The following RMND5A variants were observed in gnomAD, a reference collection of about 807,000 sequenced individuals.
RMND5A encodes E3 ubiquitin-protein transferase RMND5A.
In RMND5A, 17 loss-of-function variants were observed where a neutral mutation model predicts 49.7. That is an observed-to-expected ratio of 0.34 (90% CI 0.23 to 0.51). The LOEUF is 0.51. Ranked by LOEUF, RMND5A falls within the 20% of genes least tolerant of loss-of-function variation. The pLI, the probability that RMND5A is intolerant of heterozygous loss-of-function variation, is 0.96. For missense variants in RMND5A, 255 were observed against 471.3 expected (o/e 0.54, Z 4.25); for synonymous variants, 156 against 167.7 (o/e 0.93, Z 0.54).
At chr2:86,746,642 C>G (rs547976340) in intron 2 of RMND5A, among the ~76,000 whole-genome samples, 1 of 152,344 alleles carries the variant, frequency 6.6e-6, no homozygotes, top group African/African-American at 2.4e-5. Context: ...GAATTCATCT[C>G]TAGTGCCCTG....
chr2:86,768,826 G>A (rs2104410984), intron 6 of RMND5A, among the ~76,000 whole-genome samples: 1 of 152,166 alleles, frequency 6.6e-6, no homozygotes, highest in South Asian at 2.1e-4. Flanking sequence ...GAGGAACTAT[G>A]CAAAAAAAAT....
At position 86,720,749 on chromosome 2, in the gene RMND5A, G is replaced by A. The variant is rs1205048880; in HGVS notation, c.82G>A (p.Gly28Ser). 2 of 1,593,574 alleles carry A rather than the reference G, an allele frequency of 1.3e-6. No homozygotes were observed. Among genetic ancestry groups the A allele is most frequent in the Non-Finnish European group, 1.7e-6 (2 of 1,170,924 alleles). ...FSGYGQLCER[G>S]LEELIDYTGG... ...AGGCTACGGGCAGCTGTGCGAGCGC[G>A]GCCTGGAGGAGCTCATCGACTACAC... is the stretch of plus-strand genomic sequence containing the variant. Residue 28 changes from glycine (G) to serine (S), a missense_variant, in exon 1 of 9, where the codon GGC becomes AGC. Gly to Ser is a moderately conservative substitution (Grantham distance 56, BLOSUM62 0). Around this residue, in one of 3 missense-constraint regions of RMND5A, gnomAD observed 42 missense variants for 59.9 expected, o/e 0.70. Coordinates refer to ENST00000283632, the MANE Select transcript of RMND5A (RefSeq NM_022780.4).
At chr2:86,746,605 A>C (rs982925924) in intron 2 of RMND5A, among the ~76,000 whole-genome samples, 1 of 152,206 alleles carries the variant, frequency 6.6e-6, no homozygotes, top group Non-Finnish European at 1.5e-5. Context: ...ACTTGGAGGA[A>C]CCTTTCTCAA....
chr2:86,743,302 G>T (rs568530751), intron 2 of RMND5A, among the ~76,000 whole-genome samples: 1 of 151,900 alleles, frequency 6.6e-6, no homozygotes, highest in South Asian at 2.1e-4. Context: ...TGGGCAGGGG[G>T]ATGTGTTCAT....
intron 4 of RMND5A, among the ~76,000 whole-genome samples, chr2:86,758,202 C>G (rs1414260094): frequency 6.6e-6 from 1 of 152,152 alleles, no homozygotes; most frequent in Non-Finnish European, 1.5e-5. Context: ...ATCTCCCCAC[C>G]TTTGCCTTCT....
chr2:86,759,827 G>C (rs994738568), intron 4 of RMND5A, among the ~76,000 whole-genome samples: 2 of 152,030 alleles, frequency 1.3e-5, no homozygotes, highest in Non-Finnish European at 1.5e-5. Flanking sequence ...GAGGAAGGAA[G>C]GGGGAGGGGC....
chr2:86,751,945 C>G lies in RMND5A; in HGVS notation c.335C>G (p.Ala112Gly). ...GTGGGAATAGATGGCTGCTGGCAGG[C>G]AGACAGCCAAAGGCTTCTCAATGAG... is the stretch of plus-strand genomic sequence containing the variant. ...SSVGIDGCWQ[A>G]DSQRLLNEVM... The change falls in exon 3 of 9, where the codon GCA becomes GGA. Residue 112 changes from alanine (A) to glycine (G), a missense_variant. Physicochemically the swap from Ala to Gly is moderately conservative, Grantham distance 60. Coordinates refer to ENST00000283632, the MANE Select transcript of RMND5A (RefSeq NM_022780.4). The G allele has an allele frequency of 6.2e-7, 1 of 1,613,812 alleles. No homozygotes were observed. The highest frequency in any genetic ancestry group is 8.5e-7 in the Non-Finnish European group (1 of 1,179,798).
rs189904118 is a variant in RMND5A, at chr2:86,744,850, G to A, written c.285+3781G>A. On this transcript the variant is annotated intron_variant, in intron 2 of 8. Transcript: ENST00000283632. ...TGGGCCTACATGCGCTTGCTACCATGCCCAGTTAATTTTTTTCATTTTTGC... is the reference window on the plus strand; with the variant it reads ...TGGGCCTACATGCGCTTGCTACCATACCCAGTTAATTTTTTTCATTTTTGC... 2.0e-5 allele frequency among the ~76,000 whole-genome samples: 3 copies of A among 152,198 alleles called. No homozygotes were observed. In the East Asian group the frequency reaches 5.8e-4, roughly 29 times the overall value.
rs746919472 is a variant in RMND5A at position 86,765,205 on chromosome 2, G to A, written c.688+12G>A. On this transcript the variant is annotated intron_variant, in intron 5 of 8. Coordinates refer to ENST00000283632, the MANE Select transcript of RMND5A (RefSeq NM_022780.4). ...AAATCATCAAAAAGGTGAGTCTAGA[G>A]TCAGATGTTATTAATGTTTGAAACA... The A allele has an allele frequency of 1.3e-6, 2 of 1,534,266 alleles. No homozygotes were observed. Among genetic ancestry groups the A allele is most frequent in the East Asian group, 4.9e-5 (2 of 40,518 alleles).
rs1006234531 is a variant in RMND5A at position 86,774,674 on chromosome 2, T to C, written c.*1263T>C. ...ACCGAAACCCATGAAGTTACTTCAG[T>C]ATAAGAAGAACGTTACACGGAAATC... On this transcript the variant is annotated 3_prime_UTR_variant, in exon 9 of 9. Transcript: ENST00000283632. 2.0e-5 allele frequency: 3 copies of C among 152,700 alleles called. No individual in the cohort carries two copies. Among genetic ancestry groups the C allele is most frequent in the African/African-American group, 7.2e-5 (3 of 41,474 alleles). The allele number at this position is 152,700 out of a possible 1,614,324, so 9.5% of individuals were successfully genotyped here. A position where few individuals can be genotyped will look rare whatever the true frequency, so the allele number is the denominator to read the frequency against.
At chr2:86,742,892 A>G (rs921613933) in intron 2 of RMND5A, among the ~76,000 whole-genome samples, 3 of 151,724 alleles carry the variant, frequency 2.0e-5, no homozygotes, top group Non-Finnish European at 4.4e-5. Flanking sequence ...TCTTGGAATA[A>G]GGGGGGATGG....
intron 4 of RMND5A, among the ~76,000 whole-genome samples, chr2:86,762,130 C>G (rs576671672): frequency 6.6e-6 from 1 of 152,146 alleles, no homozygotes; most frequent in East Asian, 1.9e-4. Flanking sequence ...TACAGAAAAC[C>G]TGGAAAATAT....
Position 86,720,451 on chromosome 2 carries a change from G to A in RMND5A, c.-217G>A, listed in dbSNP as rs1194524251. 12 of 206,308 alleles carry A rather than the reference G, an allele frequency of 5.8e-5. No homozygotes were observed. In the East Asian group the frequency reaches 1.4e-3, roughly 25 times the overall value. 12.8% of individuals were successfully genotyped at this position (206,308 alleles called of 1,614,324 possible). A position where few individuals can be genotyped will look rare whatever the true frequency, so the allele number is the denominator to read the frequency against. ...AGTGCAGCGAGCGAACGGGAGCAGC[G>A]GCGACTCGCCGGGGGGCTAGGGCGC... On this transcript the variant is annotated 5_prime_UTR_variant, in exon 1 of 9. Coordinates refer to ENST00000283632, the MANE Select transcript of RMND5A (RefSeq NM_022780.4).
At chr2:86,756,323 G>C (rs1681738479) in intron 4 of RMND5A, among the ~76,000 whole-genome samples, 1 of 152,106 alleles carries the variant, frequency 6.6e-6, no homozygotes, top group African/African-American at 2.4e-5. Context: ...AGCCCAGGAG[G>C]CGGAGTCTGC....
chr2:86,762,682 TATATATATCATATATATC>T (rs58739685), intron 4 of RMND5A, among the ~76,000 whole-genome samples: 18,784 of 131,296 alleles, frequency 0.14, 1,562 homozygotes, highest in African/African-American at 0.21. Flanking sequence ...ATATATATCA[TATATATATCATATATATC>T]ATATATATCA....
intron 2 of RMND5A, among the ~76,000 whole-genome samples, chr2:86,747,851 A>G (rs1467861183): frequency 4.6e-5 from 7 of 152,126 alleles, no homozygotes; most frequent in African/African-American, 1.7e-4. Flanking sequence ...ATGATGTTGT[A>G]TCAAAGTTAT....
rs117052142 is a variant in RMND5A at position 86,746,499 on chromosome 2, G to T, written c.286-5397G>T. ...TTTATCTTCACCAAAGACTTGTAAG[G>T]TCGAGATTATTGTCTCTAGATACAG... On this transcript the variant is annotated intron_variant, in intron 2 of 8. Coordinates refer to ENST00000283632, the MANE Select transcript of RMND5A (RefSeq NM_022780.4). Among the ~76,000 whole-genome samples the T allele has an allele frequency of 3.0e-3, 462 of 152,264 alleles. 16 individuals carry two copies. In the East Asian group the frequency reaches 0.075, roughly 25 times the overall value.
chr2:86,769,223 G>A (rs1672648253), intron 6 of RMND5A, among the ~76,000 whole-genome samples: 1 of 152,192 alleles, frequency 6.6e-6, no homozygotes, highest in Non-Finnish European at 1.5e-5. Flanking sequence ...TGCAATTACA[G>A]GAGTGAGCCA....
Position 86,765,905 on chromosome 2 carries a change from T to C in RMND5A, c.735T>C (p.Ile245=), listed in dbSNP as rs974607306. The change falls in exon 6 of 9, where the codon ATT becomes ATC. Residue 245 remains isoleucine (I), a synonymous_variant. Coordinates refer to ENST00000283632, the MANE Select transcript of RMND5A (RefSeq NM_022780.4). ...MGSLVYLRQG[I]ENSPYVHLLD... is the part of the protein sequence containing the mutation. ...GCCTTGTGTACCTGAGACAAGGGATTGAGAACTCACCATATGTTCACCTAC... is the reference window on the plus strand; with the variant it reads ...GCCTTGTGTACCTGAGACAAGGGATCGAGAACTCACCATATGTTCACCTAC... The C allele has an allele frequency of 3.1e-6, 5 of 1,614,124 alleles. No individual in the cohort carries two copies. Among genetic ancestry groups the C allele is most frequent in the Non-Finnish European group, 4.2e-6 (5 of 1,179,964 alleles).
Sources: allele counts gnomAD v4.1 joint callset (sites outside exome capture counted in the v4.1 genomes callset), GRCh38; gene constraint gnomAD v4.1.1; regional missense constraint gnomAD v4.1.1; transcripts MANE v1.5; gene names NCBI Gene and HGNC (gene_info 2026-07-23, HGNC 2026-07-21).